The following BLOC1S6 variants were observed in gnomAD, a reference collection of about 807,000 sequenced individuals.
The protein encoded by BLOC1S6 is biogenesis of lysosome-related organelles complex 1 subunit 6.
Under a neutral mutation model 24.7 loss-of-function variants are expected in BLOC1S6, and 24 were observed. That is an observed-to-expected ratio of 0.97 (90% CI 0.70 to 1.37). The LOEUF (loss-of-function observed/expected upper bound fraction) is 1.37. BLOC1S6 is among the 40% of genes most tolerant of loss of function. The probability of loss-of-function intolerance (pLI) is 0.00; values close to 1 mark genes in which losing one functional copy is unlikely to be tolerated. For missense variants in BLOC1S6, 175 were observed against 196.2 expected, an observed-to-expected ratio of 0.89 and a Z score of 0.64; for synonymous variants, 76 against 72.6, an observed-to-expected ratio of 1.05 and a Z score of -0.23.
intron 3 of BLOC1S6, among the ~76,000 whole-genome samples, chr15:45,604,921 T>G (rs917861935): frequency 1.3e-5 from 2 of 152,228 alleles, no homozygotes; most frequent in African/African-American, 2.4e-5. Context: ...ATCATTCTGC[T>G]TAGTCTGACT....
At chr15:45,600,936 A>T (rs1300598910) in intron 2 of BLOC1S6, among the ~76,000 whole-genome samples, 1 of 152,148 alleles carries the variant, frequency 6.6e-6, no homozygotes, top group Non-Finnish European at 1.5e-5. Flanking sequence ...CATGAAACAA[A>T]GAGTTTTGAC....
Position 45,606,616 on chromosome 15 carries a change from T to C in BLOC1S6, c.*102T>C, listed in dbSNP as rs1315992788. The C allele has an allele frequency of 2.6e-6, 4 of 1,513,658 alleles. No individual in the cohort carries two copies. The East Asian group carries it at 6.8e-5, about 26-fold the overall frequency. The allele number at this position is 1,513,658 out of a possible 1,614,324, so 93.8% of individuals were successfully genotyped here. A position where few individuals can be genotyped will look rare whatever the true frequency, so the allele number is the denominator to read the frequency against. On this transcript the variant is annotated 3_prime_UTR_variant, in exon 5 of 5. Transcript: ENST00000220531. The stretch of plus-strand genomic sequence containing the variant: ...TAGTGCCTTATGCCATTATGTCATA[T>C]GTTGAAATCCTTATTCCGGTATTAC...
At chr15:45,605,619 T>G in intron 4 of BLOC1S6, 105 bp downstream of exon 4, 1 of 940,254 alleles carries the variant, frequency 1.1e-6, no homozygotes, top group South Asian at 1.5e-5. Flanking sequence ...GACGGAGTTT[T>G]GCTCTTGCCG....
chr15:45,592,810 A>G (rs1477372281), intron 2 of BLOC1S6, among the ~76,000 whole-genome samples: 1 of 152,212 alleles, frequency 6.6e-6, no homozygotes, highest in Non-Finnish European at 1.5e-5. Flanking sequence ...TCAGTATACA[A>G]AAACATATAC....
intron 1 of BLOC1S6, among the ~76,000 whole-genome samples, chr15:45,590,533 G>A (rs995871290): frequency 2.0e-5 from 3 of 151,064 alleles, no homozygotes; most frequent in African/African-American, 7.3e-5. Flanking sequence ...TTAGCTTCTC[G>A]AGTAGCTGAG....
intron 2 of BLOC1S6, chr15:45,602,217 T>TA: frequency 2.1e-6 from 1 of 473,880 alleles, no homozygotes; most frequent in Non-Finnish European, 3.8e-6. Flanking sequence ...TTATGACCTG[T>TA]AGGGTATGCC....
intron 4 of BLOC1S6, among the ~76,000 whole-genome samples, chr15:45,605,957 C>T (rs534321330): frequency 2.6e-5 from 4 of 152,200 alleles, no homozygotes; most frequent in East Asian, 3.9e-4. Context: ...ACATTGTTTT[C>T]TTTTTAAAAA....
At chr15:45,591,250 G>C (rs1055945520) in intron 1 of BLOC1S6, among the ~76,000 whole-genome samples, 1 of 151,698 alleles carries the variant, frequency 6.6e-6, no homozygotes, top group Non-Finnish European at 1.5e-5. Context: ...ATAACATATC[G>C]AACTATATCA....
At position 45,602,344 on chromosome 15, in the gene BLOC1S6, T is replaced by C. The variant is rs866557128; in HGVS notation, c.225-756T>C. 4.5e-5 allele frequency: 31 copies of C among 684,146 alleles called. No individual in the cohort carries two copies. The African/African-American group carries it at 4.6e-4, about 10-fold the overall frequency. The allele number at this position is 684,146 out of a possible 1,614,324, so 42.4% of individuals were successfully genotyped here. A position where few individuals can be genotyped will look rare whatever the true frequency, so the allele number is the denominator to read the frequency against. ...CACAGTTTTACAAGCAAATGACATA[T>C]TTTTCTTTGTAGCATTCTTTAAAAT... On this transcript the variant is annotated intron_variant, in intron 2 of 4. Transcript: ENST00000220531.
Position 45,602,225 on chromosome 15 carries a change from G to T in BLOC1S6, c.225-875G>T, listed in dbSNP as rs1894295856. On this transcript the variant is annotated intron_variant, in intron 2 of 4. Coordinates refer to ENST00000220531, the MANE Select transcript of BLOC1S6 (RefSeq NM_012388.4). ...GACAAATTTATGACCTGTAGGGTAT[G>T]CCAGACTCAGTGCTGGATAGTAGAG... 1.4e-5 allele frequency: 7 copies of T among 493,678 alleles called. No homozygotes were observed. The South Asian group carries it at 2.2e-4, about 16-fold the overall frequency. 30.6% of individuals were successfully genotyped at this position (493,678 alleles called of 1,614,324 possible).
At chr15:45,589,611 C>T (rs1279162349) in intron 1 of BLOC1S6, among the ~76,000 whole-genome samples, 5 of 152,202 alleles carry the variant, frequency 3.3e-5, no homozygotes, top group East Asian at 1.9e-4. Flanking sequence ...TGTGATTGCT[C>T]GTATTGTGCC....
At chr15:45,599,651 G>A (rs1894198912) in intron 2 of BLOC1S6, 1 of 80,050 alleles carries the variant, frequency 1.2e-5, no homozygotes, top group Admixed American at 1.4e-4. Flanking sequence ...ACACCAGTTA[G>A]AATGGCAATC....
chr15:45,587,756 G>C (rs1309128476), intron 1 of BLOC1S6: 2 of 703,436 alleles, frequency 2.8e-6, no homozygotes, highest in East Asian at 5.4e-5. Flanking sequence ...AATTGAAGGC[G>C]GTTGATGGTG....
intron 1 of BLOC1S6, among the ~76,000 whole-genome samples, chr15:45,588,249 C>T (rs1007830920): frequency 1.3e-5 from 2 of 152,224 alleles, no homozygotes; most frequent in East Asian, 1.9e-4. Flanking sequence ...CATGCTTTTC[C>T]TCAAGGATCT....
At position 45,609,427 on chromosome 15, in the gene BLOC1S6, C is replaced by G. The variant is rs1894600376; in HGVS notation, c.*2913C>G. The G allele has an allele frequency of 6.6e-6, 1 of 152,114 alleles. No homozygotes were observed. Among genetic ancestry groups the G allele is most frequent in the East Asian group, 1.9e-4 (1 of 5,202 alleles). The allele number at this position is 152,114 out of a possible 1,614,324, so 9.4% of individuals were successfully genotyped here. The stretch of plus-strand genomic sequence containing the variant: ...TTTTCTGCAAAATAGTGAATTGGTA[C>G]TTGGGAGACTTCTGTTCTTTGTTGA... On this transcript the variant is annotated 3_prime_UTR_variant, in exon 5 of 5. Coordinates refer to ENST00000220531, the MANE Select transcript of BLOC1S6 (RefSeq NM_012388.4).
At chr15:45,591,154 G>T (rs1893870101) in intron 1 of BLOC1S6, among the ~76,000 whole-genome samples, 1 of 152,156 alleles carries the variant, frequency 6.6e-6, no homozygotes, top group African/African-American at 2.4e-5. Flanking sequence ...GGTAAATTAA[G>T]TTGCTGAATC....
rs568044635 is a variant in BLOC1S6, at chr15:45,597,420, T to G, written c.224+5144T>G. Among the ~76,000 whole-genome samples, 4 of 152,260 alleles carry G rather than the reference T, an allele frequency of 2.6e-5. No homozygotes were observed. In the South Asian group the frequency reaches 8.3e-4, roughly 32 times the overall value. On this transcript the variant is annotated intron_variant, in intron 2 of 4. Coordinates refer to ENST00000220531, the MANE Select transcript of BLOC1S6 (RefSeq NM_012388.4). Reference sequence around the variant, plus strand: ...TTGAACCAGGAGTTCAAGGCTGCAGTGAACTATGATCATGCCGCTGCAGTC... The same window carrying G: ...TTGAACCAGGAGTTCAAGGCTGCAGGGAACTATGATCATGCCGCTGCAGTC...
At position 45,608,630 on chromosome 15, in the gene BLOC1S6, G is replaced by C. The variant is rs879518950; in HGVS notation, c.*2116G>C. 8 of 152,186 alleles carry C rather than the reference G, an allele frequency of 5.3e-5. No individual in the cohort carries two copies. The highest frequency in any genetic ancestry group is 1.0e-4 in the Non-Finnish European group (7 of 68,040). 9.4% of individuals were successfully genotyped at this position (152,186 alleles called of 1,614,324 possible). On this transcript the variant is annotated 3_prime_UTR_variant, in exon 5 of 5. Coordinates refer to ENST00000220531, the MANE Select transcript of BLOC1S6 (RefSeq NM_012388.4). ...ACCACAGGCTTAGTGGTACGTTGGG[G>C]TTTCCCACGCTAGGCTGCATAGCAT...
At chr15:45,587,322 C>A, upstream of BLOC1S6, 3 of 983,254 alleles carry the variant, frequency 3.1e-6, no homozygotes, top group Non-Finnish European at 1.6e-6. Flanking sequence ...AGTTTTTTCG[C>A]CCCCGTCACT....
Sources: gnomAD v4.1 joint callset for allele counts (sites outside exome capture counted in the v4.1 genomes callset) on GRCh38, gnomAD v4.1.1 for gene constraint, MANE v1.5 for transcripts, NCBI Gene and HGNC (gene_info 2026-07-23, HGNC 2026-07-21) for gene names.